Variants in DISC1 observed in about 807,000 individuals in gnomAD.
DISC1 encodes DISC1 scaffold protein.
Under a neutral mutation model 84.5 loss-of-function variants are expected in DISC1, and 57 were observed. The observed-to-expected ratio is 0.67, with a 90% confidence interval of 0.55 to 0.84. The LOEUF is 0.84. Among genes scored for constraint, DISC1 ranks in the 40% least tolerant of loss-of-function variants. The probability of loss-of-function intolerance (pLI) is 0.00; values close to 1 mark genes in which losing one functional copy is unlikely to be tolerated. For missense variants in DISC1, 1,000 were observed against 1,057.8 expected, an observed-to-expected ratio of 0.95 and a Z score of 0.76; for synonymous variants, 411 against 415.2, an observed-to-expected ratio of 0.99 and a Z score of 0.12.
At chr1:231,991,524 T>C (rs1665197070) in intron 10 of DISC1, among the ~76,000 whole-genome samples, 1 of 152,262 alleles carries the variant, frequency 6.6e-6, no homozygotes, top group Middle Eastern at 3.4e-3. Flanking sequence ...GGGCACTTAC[T>C]AGGAAGCCCT....
intron 9 of DISC1, among the ~76,000 whole-genome samples, chr1:231,876,818 C>T (rs1574370185): frequency 6.6e-6 from 1 of 152,358 alleles, no homozygotes; most frequent in African/African-American, 2.4e-5. Context: ...GCTGCTGCCT[C>T]AGTGACAGGT....
chr1:231,808,508 A>G (rs1286199800), intron 8 of DISC1, among the ~76,000 whole-genome samples: 1 of 152,182 alleles, frequency 6.6e-6, no homozygotes, highest in Non-Finnish European at 1.5e-5. Context: ...TAATTCATCT[A>G]GCTGTCTGTT....
chr1:231,829,394 T>TG (rs2082066034), intron 9 of DISC1, among the ~76,000 whole-genome samples: 1 of 152,212 alleles, frequency 6.6e-6, no homozygotes, highest in Admixed American at 6.5e-5. Context: ...AGACAGGGTC[T>TG]CACTCTGTCA....
At chr1:232,013,402 A>C (rs1668203623) in intron 11 of DISC1, among the ~76,000 whole-genome samples, 1 of 150,364 alleles carries the variant, frequency 6.7e-6, no homozygotes, top group Non-Finnish European at 1.5e-5. Flanking sequence ...AGGTAGCCTC[A>C]TTTGTTCAGA....
chr1:231,830,302 C>T (rs1193979402), intron 9 of DISC1, among the ~76,000 whole-genome samples: 3 of 152,032 alleles, frequency 2.0e-5, no homozygotes, highest in Non-Finnish European at 2.9e-5. Flanking sequence ...TTAGAAGAAA[C>T]ATTTGTCATT....
chr1:231,653,323 C>T (rs561958785), intron 1 of DISC1, among the ~76,000 whole-genome samples: 4 of 152,302 alleles, frequency 2.6e-5, no homozygotes, highest in African/African-American at 7.2e-5. Context: ...ACCAGGCTTG[C>T]GTGGAGGGGC....
At chr1:231,967,971 A>G (rs1050276855) in intron 10 of DISC1, among the ~76,000 whole-genome samples, 10 of 152,244 alleles carry the variant, frequency 6.6e-5, no homozygotes, top group Non-Finnish European at 1.5e-4. Context: ...ACTCAACACC[A>G]TAGTAGTTCA....
chr1:231,933,299 G>A lies in DISC1; in HGVS notation c.1982-25529G>A, dbSNP rs76911207. Among the ~76,000 whole-genome samples the A allele has an allele frequency of 2.3e-3, 347 of 152,266 alleles. 5 individuals are homozygous for A. The East Asian group carries it at 0.029, about 13-fold the overall frequency. ...TGCTAGATTAACTTCAGCTAGCCTT[G>A]CTTTTAACCACCTACACTGACAGCC... On this transcript the variant is annotated intron_variant, in intron 9 of 12. Transcript: ENST00000439617.
intron 10 of DISC1, among the ~76,000 whole-genome samples, chr1:231,989,765 G>A (rs918197713): frequency 1.3e-5 from 2 of 152,158 alleles, no homozygotes; most frequent in Admixed American, 6.5e-5. Context: ...CTTGCTGTAG[G>A]GCGTGCACAG....
intron 9 of DISC1, among the ~76,000 whole-genome samples, chr1:231,916,388 C>T (rs748916645): frequency 3.3e-5 from 5 of 152,106 alleles, no homozygotes; most frequent in African/African-American, 7.2e-5. Context: ...CAGAAAGTTC[C>T]GAAGAGCTGT....
chr1:231,973,984 G>A (rs1662423291), intron 10 of DISC1, among the ~76,000 whole-genome samples: 1 of 152,012 alleles, frequency 6.6e-6, no homozygotes, highest in African/African-American at 2.4e-5. Flanking sequence ...GGCTGTTTTT[G>A]TGGTTCTGAG....
At chr1:231,683,011 T>TG (rs1300081049) in intron 1 of DISC1, among the ~76,000 whole-genome samples, 2 of 152,206 alleles carry the variant, frequency 1.3e-5, no homozygotes, top group Non-Finnish European at 2.9e-5. Flanking sequence ...ACCTTCCTTG[T>TG]GGGGCCCAGG....
chr1:231,798,147 C>CA (rs1171422222), intron 7 of DISC1, among the ~76,000 whole-genome samples: 2 of 39,096 alleles, frequency 5.1e-5, no homozygotes, highest in South Asian at 1.1e-3. Context: ...ACACACACAC[C>CA]CCTACCTGAT....
intron 1 of DISC1, among the ~76,000 whole-genome samples, chr1:231,628,428 A>C (rs189158420): frequency 7.9e-5 from 12 of 152,332 alleles, no homozygotes; most frequent in Non-Finnish European, 1.6e-4. Flanking sequence ...ATAAGACATG[A>C]TAGTACTAGG....
At chr1:232,017,690 ACCCCT>A (rs1668612564) in intron 11 of DISC1, among the ~76,000 whole-genome samples, 1 of 151,958 alleles carries the variant, frequency 6.6e-6, no homozygotes, top group East Asian at 1.9e-4. Context: ...ACAGGTACTA[ACCCCT>A]CCCCTGCACC....
intron 1 of DISC1, among the ~76,000 whole-genome samples, chr1:231,639,150 C>A (rs145111556): frequency 6.6e-6 from 1 of 152,220 alleles, no homozygotes; most frequent in African/African-American, 2.4e-5. Context: ...AAGAGGAGCA[C>A]AAGGCACTTG....
chr1:231,756,461 G>A (rs1447024403), intron 4 of DISC1, among the ~76,000 whole-genome samples: 2 of 151,876 alleles, frequency 1.3e-5, no homozygotes, highest in Non-Finnish European at 2.9e-5. Flanking sequence ...ATGTGTGAAT[G>A]TGACACATAT....
chr1:232,032,512 G>A (rs924993961), intron 12 of DISC1, among the ~76,000 whole-genome samples: 3 of 152,152 alleles, frequency 2.0e-5, no homozygotes, highest in Non-Finnish European at 4.4e-5. Context: ...TTCCAAGGAG[G>A]TACAGAATGG....
chr1:231,762,813 C>T lies in DISC1; in HGVS notation c.1269-4327C>T, dbSNP rs150087658. Among the ~76,000 whole-genome samples the T allele has an allele frequency of 1.9e-3, 294 of 152,276 alleles. 3 individuals are homozygous for T. The highest frequency in any genetic ancestry group is 6.6e-3 in the African/African-American group (276 of 41,554). Reference sequence around the variant, plus strand: ...CCAGTGTGAGGGTGGGGTCTGTATACAGGAGATGCTCAGTGGTCATTTATC... The same window carrying T: ...CCAGTGTGAGGGTGGGGTCTGTATATAGGAGATGCTCAGTGGTCATTTATC... On this transcript the variant is annotated intron_variant, in intron 4 of 12. Coordinates refer to ENST00000439617, the MANE Select transcript of DISC1 (RefSeq NM_018662.3).
Sources: allele counts gnomAD v4.1 joint callset (sites outside exome capture counted in the v4.1 genomes callset), GRCh38; gene constraint gnomAD v4.1.1; transcripts MANE v1.5; gene names NCBI Gene and HGNC (gene_info 2026-07-23, HGNC 2026-07-21).